ZNF251: variants seen among roughly 807,000 people sequenced by gnomAD.
The protein encoded by ZNF251 is zinc finger protein 251.
In ZNF251, 14 loss-of-function variants were observed where a neutral mutation model predicts 13.5. The observed-to-expected ratio is 1.04, with a 90% CI of 0.69 to 1.63. The LOEUF is 1.63. Ranked by LOEUF, ZNF251 falls within the 40% of genes most tolerant of loss-of-function variation. The pLI, the probability that ZNF251 is intolerant of heterozygous loss-of-function variation, is 0.00. For synonymous variants in ZNF251, 287 were observed against 295.2 expected (o/e 0.97, Z 0.28); for missense variants, 764 against 834.9 (o/e 0.92, Z 1.05).
At chr8:144,731,874 C>G (rs1823705009) in intron 4 of ZNF251, among the ~76,000 whole-genome samples, 1 of 151,904 alleles carries the variant, frequency 6.6e-6, no homozygotes, top group Non-Finnish European at 1.5e-5. Flanking sequence ...AGACATGAGT[C>G]ACCATGCCCG....
chr8:144,755,161 C>G, intron 1 of ZNF251: 1 of 1,181,832 alleles, frequency 8.5e-7, no homozygotes, highest in East Asian at 6.7e-5. Context: ...GAGAAGGAGG[C>G]CGCGGGGATG....
At position 144,723,155 on chromosome 8, in the gene ZNF251, T is replaced by G; in HGVS notation, c.505A>C (p.Thr169Pro). The G allele has an allele frequency of 5.6e-6, 9 of 1,612,970 alleles. No homozygotes were observed. Among genetic ancestry groups the G allele is most frequent in the Non-Finnish European group, 7.6e-6 (9 of 1,179,376 alleles). ...CCCAAAGATCTTTCCCTGCCCACGG[T>G]AGCTTCTGTTAAAACTCTCTTGTGA... ...NIHKRVLTEA[T>P]VGRERSLGER... The change falls in exon 5 of 5, where the codon ACC (threonine) becomes CCC (proline). Residue 169 changes from threonine to proline, a missense_variant. By Grantham distance (38) the Thr-to-Pro change is conservative (BLOSUM62 -1). Transcript: ENST00000292562.
chr8:144,724,900 T>C (rs559727958), intron 4 of ZNF251, among the ~76,000 whole-genome samples: 1 of 152,352 alleles, frequency 6.6e-6, no homozygotes, highest in South Asian at 2.1e-4. Context: ...TTAGTACAAG[T>C]CGGTGAAGCC....
At chr8:144,742,414 A>C (rs1030406866) in intron 4 of ZNF251, among the ~76,000 whole-genome samples, 1 of 151,940 alleles carries the variant, frequency 6.6e-6, no homozygotes, top group Non-Finnish European at 1.5e-5. Context: ...AAAATACTTT[A>C]TTTTTAGAGC....
intron 4 of ZNF251, among the ~76,000 whole-genome samples, chr8:144,732,585 G>GAC (rs1823733279): frequency 1.3e-5 from 2 of 151,960 alleles, no homozygotes; most frequent in South Asian, 2.1e-4. Context: ...GGCCAAGGCG[G>GAC]GGGAATCACG....
Position 144,722,756 on chromosome 8 carries a change from A to C in ZNF251, c.904T>G (p.Phe302Val). The C allele has an allele frequency of 6.2e-7, 1 of 1,614,074 alleles. No homozygotes were observed. The highest frequency in any genetic ancestry group is 1.1e-5 in the South Asian group (1 of 91,080). The change falls in exon 5 of 5, where the codon TTC becomes GTC. Residue 302 changes from phenylalanine (F) to valine (V), a missense_variant. Physicochemically the swap from Phe to Val is conservative, Grantham distance 50. Coordinates refer to ENST00000292562, the MANE Select transcript of ZNF251 (RefSeq NM_138367.2). The surrounding 1 kb of genome is among the most constrained non-coding windows in gnomAD (Gnocchi z 4.8). ...TGAATAAGAGTTGAGCTTCGACTGA[A>C]AGCCTTCCCACACTCACCACAGCCA... is the stretch of plus-strand genomic sequence containing the variant. The part of the protein sequence containing the change: ...PFGCGECGKA[F>V]SRSSTLIQHR...
chr8:144,722,422 G>A lies in ZNF251; in HGVS notation c.1238C>T (p.Ala413Val). 1.9e-6 allele frequency: 3 copies of A among 1,613,930 alleles called. No individual in the cohort carries two copies. Among genetic ancestry groups the A allele is most frequent in the Non-Finnish European group, 2.5e-6 (3 of 1,179,908 alleles). ...KPYVCNECGRAFGFNSHLTEH... is the reference protein window; with the variant it reads ...KPYVCNECGRVFGFNSHLTEH... ...AGTAAGATGAGAGTTAAAACCAAAG[G>A]CTCTGCCGCATTCATTACATACATA... Residue 413 changes from alanine to valine, a missense_variant, in exon 5 of 5, where the codon GCC becomes GTC. Physicochemically the swap from Ala to Val is moderately conservative, Grantham distance 64 (BLOSUM62 0). Transcript: ENST00000292562. The surrounding 1 kb of genome is among the most constrained non-coding windows in gnomAD (Gnocchi z 4.8).
chr8:144,732,807 G>A (rs1303239396), intron 4 of ZNF251, among the ~76,000 whole-genome samples: 46 of 91,862 alleles, frequency 5.0e-4, no homozygotes, highest in East Asian at 9.0e-4. Flanking sequence ...GCGAGACTCC[G>A]TCTCAAAAAA....
intron 2 of ZNF251, 137 bp downstream of exon 2, chr8:144,754,559 A>C: frequency 2.1e-6 from 3 of 1,459,584 alleles, no homozygotes; most frequent in Non-Finnish European, 1.8e-6. Flanking sequence ...TCTACCTCTC[A>C]GAACCCTTTC....
At chr8:144,750,887 T>A (rs1407615356) in intron 4 of ZNF251, among the ~76,000 whole-genome samples, 1 of 151,016 alleles carries the variant, frequency 6.6e-6, no homozygotes, top group Non-Finnish European at 1.5e-5. Context: ...TCTCGCTCTG[T>A]CACTCAGGCT....
rs1202587101 is a variant in ZNF251 at position 144,722,351 on chromosome 8, C to T, written c.1309G>A (p.Glu437Lys). The change falls in exon 5 of 5, where the codon GAG becomes AAG. Residue 437 changes from glutamate to lysine, a missense_variant. Physicochemically the swap from Glu to Lys is moderately conservative, Grantham distance 56. Transcript: ENST00000292562. This position sits in a 1 kb window ranked among gnomAD's most constrained non-coding sequence, Gnocchi z 4.8. ...HTGEKPYVCN[E>K]CGKAFRRSST... ...CTCCGACGAAAGGCTTTGCCGCACTCATTACAAACATAGGGTTTTTCTCCT... is the reference window on the plus strand; with the variant it reads ...CTCCGACGAAAGGCTTTGCCGCACTTATTACAAACATAGGGTTTTTCTCCT... The T allele has an allele frequency of 2.5e-6, 4 of 1,613,946 alleles. No homozygotes were observed. Among genetic ancestry groups the T allele is most frequent in the East Asian group, 4.5e-5 (2 of 44,878 alleles).
chr8:144,730,897 T>C lies in ZNF251; in HGVS notation c.278-7515A>G, dbSNP rs551113420. Among the ~76,000 whole-genome samples the C allele has an allele frequency of 8.5e-5, 13 of 152,336 alleles. 1 individual carries two copies. In the South Asian group the frequency reaches 2.5e-3, roughly 29 times the overall value. ...TTTCCCCAGTTGGCTGACAAGATCT[T>C]ACTCAAGATCTCATGCCATTCAGAC... On this transcript the variant is annotated intron_variant, in intron 4 of 4. Transcript: ENST00000292562.
chr8:144,736,423 C>T (rs181956223), intron 4 of ZNF251, among the ~76,000 whole-genome samples: 15 of 152,118 alleles, frequency 9.9e-5, no homozygotes, highest in African/African-American at 2.9e-4. Flanking sequence ...AAGGGAATCA[C>T]GAACAAACCC....
In ZNF251 at chr8:144,754,238, G is replaced by C. The variant is rs202211785; in HGVS notation, c.117C>G (p.Leu39=). 6.2e-7 allele frequency: 1 copy of C among 1,614,068 alleles called. No homozygotes were observed. The highest frequency in any genetic ancestry group is 8.5e-7 in the Non-Finnish European group (1 of 1,179,988). The change falls in exon 3 of 5, where the codon CTC becomes CTG. Residue 39 remains leucine (L), a synonymous_variant. Transcript: ENST00000292562. ...AGTTCTCCAGCATCACATCCCGGTA[G>C]AGCGCCCGCTGCTGGGGGCCCAGCT... The part of the protein sequence containing the change: ...GRQLGPQQRA[L]YRDVMLENYG...
Position 144,754,730 on chromosome 8 carries a change from C to G in ZNF251, c.-2G>C, listed in dbSNP as rs775147048. The stretch of plus-strand genomic sequence containing the variant: ...TGGAAGCTGGAATGTGGCTGCCATT[C>G]TGTGTGCATGGGCTGCTGTGGTTTC... On this transcript the variant is annotated 5_prime_UTR_variant, in exon 2 of 5. Transcript: ENST00000292562. 6.8e-6 allele frequency: 11 copies of G among 1,612,204 alleles called. No homozygotes were observed. The highest frequency in any genetic ancestry group is 1.7e-6 in the Non-Finnish European group (2 of 1,179,228).
At chr8:144,737,565 A>G (rs888993284) in intron 4 of ZNF251, among the ~76,000 whole-genome samples, 14 of 151,860 alleles carry the variant, frequency 9.2e-5, no homozygotes, top group African/African-American at 1.2e-4. Context: ...GCAGTGGCTC[A>G]CACCTGTAAT....
Position 144,721,220 on chromosome 8 carries a change from G to C in ZNF251, c.*424C>G, listed in dbSNP as rs1823364175. On this transcript the variant is annotated 3_prime_UTR_variant, in exon 5 of 5. Transcript: ENST00000292562. ...AGAGTAAGGCTAAGCGCCCCCAGCAGGCCCAAGTTCTCTGTACCACACTTG... is the reference window on the plus strand; with the variant it reads ...AGAGTAAGGCTAAGCGCCCCCAGCACGCCCAAGTTCTCTGTACCACACTTG... 4.5e-6 allele frequency: 1 copy of C among 221,350 alleles called. No homozygotes were observed. The highest frequency in any genetic ancestry group is 8.7e-6 in the Non-Finnish European group (1 of 114,310). The allele number at this position is 221,350 out of a possible 1,614,324, so 13.7% of individuals were successfully genotyped here.
At chr8:144,741,985 C>G (rs1321689568) in intron 4 of ZNF251, among the ~76,000 whole-genome samples, 2 of 152,054 alleles carry the variant, frequency 1.3e-5, no homozygotes, top group Non-Finnish European at 2.9e-5. Flanking sequence ...TCTACAGGAT[C>G]AAGATGCTAT....
intron 4 of ZNF251, among the ~76,000 whole-genome samples, chr8:144,735,820 T>A (rs1823870283): frequency 6.6e-6 from 1 of 152,152 alleles, no homozygotes; most frequent in Non-Finnish European, 1.5e-5. Flanking sequence ...ACCATGGGAC[T>A]ATCTCCAGTC....
Sources: allele counts gnomAD v4.1 joint callset (sites outside exome capture counted in the v4.1 genomes callset), GRCh38; gene constraint gnomAD v4.1.1; non-coding constraint Gnocchi (gnomAD v3.1); transcripts MANE v1.5; gene names NCBI Gene and HGNC (gene_info 2026-07-23, HGNC 2026-07-21).